Variants in AGAP2 observed in about 807,000 individuals in gnomAD.
AGAP2 encodes the protein arf-GAP with GTPase, ANK repeat and PH domain-containing protein 2.
In AGAP2, 32 loss-of-function variants were observed where a neutral mutation model predicts 110.9. That is an observed-to-expected ratio of 0.29 (90% CI 0.22 to 0.39). The LOEUF (loss-of-function observed/expected upper bound fraction) is 0.39. Ranked by LOEUF, AGAP2 falls within the 10% of genes least tolerant of loss-of-function variation. AGAP2 has a pLI of 1.00. For missense variants in AGAP2, 1,285 were observed against 1,638.5 expected, an observed-to-expected ratio of 0.78 and a Z score of 3.72; for synonymous variants, 702 against 713.0, an observed-to-expected ratio of 0.98 and a Z score of 0.25.
rs1955033922 is a variant in AGAP2, at chr12:57,738,491, G to C, written c.-245C>G. ...ACCCTCTTGGAGCCCCGGGACCTTGGTGCTGCTCCAGGGAGGCGCGCCGGA... is the reference window on the plus strand; with the variant it reads ...ACCCTCTTGGAGCCCCGGGACCTTGCTGCTGCTCCAGGGAGGCGCGCCGGA... On this transcript the variant is annotated 5_prime_UTR_variant, in exon 1 of 19. Transcript: ENST00000547588. This position sits in a 1 kb window ranked among gnomAD's most constrained non-coding sequence, Gnocchi z 6.7. 6.6e-6 allele frequency among the ~76,000 whole-genome samples: 1 copy of C among 151,888 alleles called. No homozygotes were observed. The highest frequency in any genetic ancestry group is 1.5e-5 in the Non-Finnish European group (1 of 67,922).
chr12:57,731,956 C>T lies in AGAP2; in HGVS notation c.1806G>A (p.Gly602=). Residue 602 remains glycine, a synonymous_variant, in exon 8 of 19, where the codon GGG becomes GGA. Coordinates refer to ENST00000547588, the MANE Select transcript of AGAP2 (RefSeq NM_001122772.3). ...STPVAGQASN[G]GHTSDYSSSL... is the part of the protein sequence containing the mutation. Reference sequence around the variant, plus strand: ...AAGAAGAGTAGTCGCTAGTGTGGCCCCCGTTACTAGCCTGGGCACATATGG... The same window carrying T: ...AAGAAGAGTAGTCGCTAGTGTGGCCTCCGTTACTAGCCTGGGCACATATGG... The T allele has an allele frequency of 2.5e-6, 4 of 1,613,582 alleles. No individual in the cohort carries two copies. Among genetic ancestry groups the T allele is most frequent in the Non-Finnish European group, 3.4e-6 (4 of 1,179,940 alleles).
Position 57,734,138 on chromosome 12 carries a change from G to A in AGAP2, c.1437C>T (p.Phe479=). 1 of 1,612,970 alleles carries A rather than the reference G, an allele frequency of 6.2e-7. No individual in the cohort carries two copies. The highest frequency in any genetic ancestry group is 8.5e-7 in the Non-Finnish European group (1 of 1,179,336). Residue 479 remains phenylalanine, a synonymous_variant, in exon 5 of 19, where the codon TTC becomes TTT. Transcript: ENST00000547588. ...GGAAACTGTTCTCATCCTCCAGGCT[G>A]AAGACGAAGATCACAGCATCTGCCC... The part of the protein sequence containing the change: ...SGWADAVIFV[F]SLEDENSFQA...
At chr12:57,740,902 G>C (rs929935336), upstream of AGAP2, among the ~76,000 whole-genome samples, 5 of 152,208 alleles carry the variant, frequency 3.3e-5, no homozygotes, top group African/African-American at 1.2e-4. Flanking sequence ...TCTGGCAGGA[G>C]GTGTCCTTGA....
In AGAP2 at chr12:57,729,725, G is replaced by A. The variant is rs920054892; in HGVS notation, c.2471C>T (p.Pro824Leu). The A allele has an allele frequency of 3.1e-6, 5 of 1,613,804 alleles. No homozygotes were observed. The East Asian group carries it at 8.9e-5, about 29-fold the overall frequency. ...SGDLSPLSRE[P>L]PPSPMVKKQR... ...CTTCTTCACCATGGGAGAAGGAGGGGGTTCCCGACTCAGGGGGCTCAGGTC... is the reference window on the plus strand; with the variant it reads ...CTTCTTCACCATGGGAGAAGGAGGGAGTTCCCGACTCAGGGGGCTCAGGTC... The change falls in exon 13 of 19, where the codon CCC (proline) becomes CTC (leucine). Residue 824 changes from proline (P) to leucine (L), a missense_variant. Physicochemically the swap from Pro to Leu is moderately conservative, Grantham distance 98. This residue lies in a region of AGAP2 where 135 missense variants were observed against 182.0 expected (regional missense o/e 0.74). Coordinates refer to ENST00000547588, the MANE Select transcript of AGAP2 (RefSeq NM_001122772.3).
intron 3 of AGAP2, 69 bp from the exon 4 acceptor site, chr12:57,734,473 GT>G: frequency 6.3e-7 from 1 of 1,593,022 alleles, no homozygotes; most frequent in Non-Finnish European, 8.6e-7. Flanking sequence ...CATGCTCCCA[GT>G]GCTTTTGCTA....
Position 57,725,305 on chromosome 12 carries a change from A to G in AGAP2, c.*1247T>C, listed in dbSNP as rs1211499946. On this transcript the variant is annotated 3_prime_UTR_variant, in exon 19 of 19. Coordinates refer to ENST00000547588, the MANE Select transcript of AGAP2 (RefSeq NM_001122772.3). Reference sequence around the variant, plus strand: ...TGCCCCCACCTCTCTCCCCTCCCCAATTACCTGGTCCTTTGCAAACTATTT... The same window carrying G: ...TGCCCCCACCTCTCTCCCCTCCCCAGTTACCTGGTCCTTTGCAAACTATTT... 5 of 142,120 alleles carry G rather than the reference A, an allele frequency of 3.5e-5. No homozygotes were observed. The highest frequency in any genetic ancestry group is 1.0e-4 in the African/African-American group (4 of 38,306). The allele number at this position is 142,120 out of a possible 1,614,324, so 8.8% of individuals were successfully genotyped here. A position where few individuals can be genotyped will look rare whatever the true frequency, so the allele number is the denominator to read the frequency against.
chr12:57,727,305 C>T (rs754110351), intron 17 of AGAP2, 55 bp downstream of exon 17: 6 of 1,608,354 alleles, frequency 3.7e-6, no homozygotes, highest in Middle Eastern at 1.7e-4. Context: ...ACGGGACCGT[C>T]TCAGGTTCGC....
chr12:57,736,954 G>C (rs1176002824), intron 1 of AGAP2, 125 bp downstream of exon 1: 1 of 1,432,080 alleles, frequency 7.0e-7, no homozygotes, highest in African/African-American at 1.4e-5. Context: ...ACAGAGGGGT[G>C]AGCTTGGTTC....
Position 57,730,312 on chromosome 12 carries a change from G to A in AGAP2, c.2428+183C>T, listed in dbSNP as rs1230318975. Reference sequence around the variant, plus strand: ...CAGGATTCAAGCTCAGGCAGTTGACGTTAGAGTCCACTTGTCTTAACCATT... The same window carrying A: ...CAGGATTCAAGCTCAGGCAGTTGACATTAGAGTCCACTTGTCTTAACCATT... On this transcript the variant is annotated intron_variant, in intron 12 of 18. Coordinates refer to ENST00000547588, the MANE Select transcript of AGAP2 (RefSeq NM_001122772.3). 3.4e-6 allele frequency: 3 copies of A among 893,450 alleles called. No homozygotes were observed. In the African/African-American group the frequency reaches 5.1e-5, roughly 15 times the overall value. 55.3% of individuals were successfully genotyped at this position (893,450 alleles called of 1,614,324 possible). A position where few individuals can be genotyped will look rare whatever the true frequency, so the allele number is the denominator to read the frequency against.
chr12:57,732,867 A>G lies in AGAP2; in HGVS notation c.1662T>C (p.Asn554=). The change falls in exon 6 of 19, where the codon AAT becomes AAC. Residue 554 remains asparagine (N), a synonymous_variant. Transcript: ENST00000547588. ...YYETCATYGL[N]VDRVFQEVAQ... ...CACCCTCCTGGAAGACCCGATCCAC[A>G]TTGAGCCCATAGGTTGCACAAGTCT... 1.2e-6 allele frequency: 2 copies of G among 1,613,912 alleles called. No homozygotes were observed. Among genetic ancestry groups the G allele is most frequent in the South Asian group, 2.2e-5 (2 of 91,068 alleles).
upstream of AGAP2, among the ~76,000 whole-genome samples, chr12:57,741,359 A>G (rs1394742455): frequency 2.0e-5 from 3 of 152,168 alleles, no homozygotes; most frequent in Non-Finnish European, 4.4e-5. Flanking sequence ...CTGGGGACCT[A>G]TCTGCACTTT....
intron 1 of AGAP2, among the ~76,000 whole-genome samples, chr12:57,736,329 C>G (rs1018202194): frequency 1.3e-5 from 2 of 152,190 alleles, no homozygotes; most frequent in Admixed American, 6.5e-5. Flanking sequence ...ACCCTGCCCC[C>G]GTAAAAAACA....
At position 57,737,789 on chromosome 12, in the gene AGAP2, G is replaced by C. The variant is rs1480850149; in HGVS notation, c.458C>G (p.Pro153Arg). ...PLLSSPSWGG[P>R]EPEGRAGGGI... is the part of the protein sequence containing the mutation. ...GCCGCCCGCCCGGCCTTCGGGCTCC[G>C]GGCCGCCCCAGCTCGGGCTGCTGAG... The change falls in exon 1 of 19, where the codon CCG becomes CGG. Residue 153 changes from proline (P) to arginine (R), a missense_variant. Physicochemically the swap from Pro to Arg is moderately radical, Grantham distance 103 (BLOSUM62 -2). Transcript: ENST00000547588. This position sits in a 1 kb window ranked among gnomAD's most constrained non-coding sequence, Gnocchi z 5.9. The C allele has an allele frequency of 6.5e-7, 1 of 1,529,328 alleles. No homozygotes were observed. The highest frequency in any genetic ancestry group is 1.2e-5 in the South Asian group (1 of 83,634). 94.7% of individuals were successfully genotyped at this position (1,529,328 alleles called of 1,614,324 possible).
chr12:57,730,410 C>T (rs950488290), intron 12 of AGAP2, 85 bp downstream of exon 12: 20 of 1,561,460 alleles, frequency 1.3e-5, no homozygotes, highest in Non-Finnish European at 1.7e-5. Flanking sequence ...TTATTCCAGC[C>T]TCCAAGCCTT....
rs983041735 is a variant in AGAP2 at position 57,738,383 on chromosome 12, GCCGCCGCCT to G, written c.-146_-138del. 200 of 1,137,740 alleles carry G rather than the reference GCCGCCGCCT, an allele frequency of 1.8e-4. No homozygotes were observed. Among genetic ancestry groups the G allele is most frequent in the Non-Finnish European group, 2.1e-4 (189 of 907,674 alleles). The allele number at this position is 1,137,740 out of a possible 1,614,324, so 70.5% of individuals were successfully genotyped here. ...GAGCCCCCGGCCCGGCTCCGCTGTC[GCCGCCGCCT>G]CCGCCGCCTCCGCTTGCGCCCCCCT... is the stretch of plus-strand genomic sequence containing the variant. On this transcript the variant is annotated 5_prime_UTR_variant, in exon 1 of 19. Transcript: ENST00000547588. This position sits in a 1 kb window ranked among gnomAD's most constrained non-coding sequence, Gnocchi z 6.7.
chr12:57,726,506 C>G lies in AGAP2; in HGVS notation c.*46G>C, dbSNP rs752398608. 1.1e-5 allele frequency: 13 copies of G among 1,190,150 alleles called. No individual in the cohort carries two copies. In the East Asian group the frequency reaches 4.4e-4, roughly 40 times the overall value. 73.7% of individuals were successfully genotyped at this position (1,190,150 alleles called of 1,614,324 possible). A position where few individuals can be genotyped will look rare whatever the true frequency, so the allele number is the denominator to read the frequency against. ...TGTCCAGCGGTCCGCCCGGTGTGGT[C>G]GTGCCCGGCCCGCGTGGGGATGGGG... is the stretch of plus-strand genomic sequence containing the variant. On this transcript the variant is annotated 3_prime_UTR_variant, in exon 19 of 19. Transcript: ENST00000547588. The surrounding 1 kb of genome is among the most constrained non-coding windows in gnomAD (Gnocchi z 5.7).
chr12:57,729,844 C>T, intron 12 of AGAP2, 77 bp from the exon 13 acceptor site: 1 of 1,525,134 alleles, frequency 6.6e-7, no homozygotes, highest in South Asian at 1.3e-5. Context: ...GTCTCATTCC[C>T]TGAACTAGCT....
At chr12:57,730,309 G>A in intron 12 of AGAP2, 186 bp downstream of exon 12, 1 of 859,854 alleles carries the variant, frequency 1.2e-6, no homozygotes, top group Non-Finnish European at 1.7e-6. Context: ...TCAGGCAGTT[G>A]ACGTTAGAGT....
chr12:57,738,145 CGGA>C lies in AGAP2; in HGVS notation c.99_101del (p.Pro34del), dbSNP rs1328575790. 40 of 1,523,076 alleles carry C rather than the reference CGGA, an allele frequency of 2.6e-5. No homozygotes were observed. Among genetic ancestry groups the C allele is most frequent in the South Asian group, 9.6e-5 (8 of 83,606 alleles). 94.3% of individuals were successfully genotyped at this position (1,523,076 alleles called of 1,614,324 possible). A position where few individuals can be genotyped will look rare whatever the true frequency, so the allele number is the denominator to read the frequency against. On this transcript the variant is annotated inframe_deletion, in exon 1 of 19. Transcript: ENST00000547588. This position sits in a 1 kb window ranked among gnomAD's most constrained non-coding sequence, Gnocchi z 6.7. The stretch of plus-strand genomic sequence containing the variant: ...CGGCGGCGCCGGCCGCGGCCGCAGA[CGGA>C]GAAGGCGGCGGCGGAGGCACCGACT...
Sources: allele counts gnomAD v4.1 joint callset (sites outside exome capture counted in the v4.1 genomes callset), GRCh38; gene constraint gnomAD v4.1.1; regional missense constraint gnomAD v4.1.1; non-coding constraint Gnocchi (gnomAD v3.1); transcripts MANE v1.5; gene names NCBI Gene and HGNC (gene_info 2026-07-23, HGNC 2026-07-21).